Variants in ECE1 observed in about 807,000 individuals in gnomAD.
ECE1 encodes the protein endothelin-converting enzyme 1.
A neutral mutation model predicts 98.6 loss-of-function variants in ECE1; 35 were observed. That is an observed-to-expected ratio of 0.35 (90% CI 0.27 to 0.47). The LOEUF (loss-of-function observed/expected upper bound fraction) is 0.47. ECE1 is among the 20% of genes least tolerant of loss of function. The pLI, the probability that ECE1 is intolerant of heterozygous loss-of-function variation, is 1.00. For synonymous variants in ECE1, 394 were observed against 407.1 expected, an observed-to-expected ratio of 0.97 and a Z score of 0.39; for missense variants, 814 against 1,025.3, an observed-to-expected ratio of 0.79 and a Z score of 2.81.
At chr1:21,299,869 G>A (rs1223181525) in intron 1 of ECE1, 1 of 152,232 alleles carries the variant, frequency 6.6e-6, no homozygotes, top group African/African-American at 2.4e-5. Context: ...TGCTGGATCT[G>A]AACAGTGGTT....
At chr1:21,230,286 T>C (rs1316331828) in intron 14 of ECE1, among the ~76,000 whole-genome samples, 1 of 152,160 alleles carries the variant, frequency 6.6e-6, no homozygotes, top group African/African-American at 2.4e-5. Flanking sequence ...CGAGTTTTGG[T>C]GTAGTATCAG....
chr1:21,304,345 A>G (rs1258504775), intron 1 of ECE1, among the ~76,000 whole-genome samples: 1 of 140,850 alleles, frequency 7.1e-6, no homozygotes, highest in Admixed American at 7.0e-5. Flanking sequence ...AAAAAAAAAG[A>G]TACGCCAATG....
At chr1:21,308,837 T>C (rs1441607381) in intron 1 of ECE1, among the ~76,000 whole-genome samples, 1 of 152,216 alleles carries the variant, frequency 6.6e-6, no homozygotes, top group Non-Finnish European at 1.5e-5. Flanking sequence ...CCTTCCTGCC[T>C]GCCCAGGGTT....
chr1:21,304,927 ACTGAAGATGCCT>A (rs959308938), intron 1 of ECE1, among the ~76,000 whole-genome samples: 53 of 152,190 alleles, frequency 3.5e-4, no homozygotes, highest in African/African-American at 1.3e-3. Flanking sequence ...AGAAGACACA[ACTGAAGATGCCT>A]CTGCAAAATC....
intron 4 of ECE1, among the ~76,000 whole-genome samples, chr1:21,272,336 G>C (rs1569594502): frequency 6.6e-6 from 1 of 152,174 alleles, no homozygotes; most frequent in Non-Finnish European, 1.5e-5. Context: ...CTGTTGCCCA[G>C]GCTGGAGTGC....
intron 10 of ECE1, among the ~76,000 whole-genome samples, chr1:21,240,046 C>G (rs923701456): frequency 2.6e-5 from 4 of 152,162 alleles, no homozygotes; most frequent in African/African-American, 4.8e-5. Context: ...TGGCACATGC[C>G]TGTAATCCCA....
intron 8 of ECE1, among the ~76,000 whole-genome samples, chr1:21,248,194 G>C (rs1238039869): frequency 1.3e-5 from 2 of 150,132 alleles, no homozygotes; most frequent in Non-Finnish European, 3.0e-5. Context: ...TTTTTGAGAC[G>C]GAGTCTCACT....
rs755534068 is a variant in ECE1, at chr1:21,221,765, G to C, written c.2118C>G (p.Phe706Leu). ...PTLGLTNNQL[F>L]FLGFAQVWCS... The stretch of plus-strand genomic sequence containing the variant: ...GACTCACCTGTGCAAAGCCCAGGAA[G>C]AAGAGCTGGTTATTGGTGAGGCCCA... The change falls in exon 18 of 19, where the codon TTC becomes TTG. Residue 706 changes from phenylalanine (F) to leucine (L), a missense_variant. Phe to Leu is a conservative substitution (Grantham distance 22). Around this residue, in one of 3 missense-constraint regions of ECE1, gnomAD observed 452 missense variants for 567.3 expected, o/e 0.80. Coordinates refer to ENST00000374893, the MANE Select transcript of ECE1 (RefSeq NM_001397.3). The C allele has an allele frequency of 6.2e-7, 1 of 1,614,252 alleles. No individual in the cohort carries two copies. Among genetic ancestry groups the C allele is most frequent in the Non-Finnish European group, 8.5e-7 (1 of 1,180,042 alleles).
At chr1:21,261,922 G>A (rs1014479866) in intron 4 of ECE1, among the ~76,000 whole-genome samples, 4 of 152,250 alleles carry the variant, frequency 2.6e-5, no homozygotes, top group African/African-American at 7.2e-5. Flanking sequence ...TGAAAGGGCA[G>A]GCGGACTGCT....
At chr1:21,264,630 G>A (rs893883814) in intron 4 of ECE1, among the ~76,000 whole-genome samples, 2 of 152,148 alleles carry the variant, frequency 1.3e-5, no homozygotes, top group African/African-American at 4.8e-5. Flanking sequence ...TCCTGAAATT[G>A]GCCAGAAGGC....
intron 1 of ECE1, among the ~76,000 whole-genome samples, chr1:21,341,158 C>A (rs1049600101): frequency 6.6e-5 from 10 of 152,198 alleles, no homozygotes; most frequent in African/African-American, 2.2e-4. Context: ...CACAGCCCCC[C>A]GCGTGTCTCC....
chr1:21,328,528 G>A (rs1315891590), intron 1 of ECE1, among the ~76,000 whole-genome samples: 3 of 152,162 alleles, frequency 2.0e-5, no homozygotes, highest in Non-Finnish European at 4.4e-5. Flanking sequence ...TTGGGAGGCC[G>A]AGGTGGGTGG....
intron 8 of ECE1, among the ~76,000 whole-genome samples, chr1:21,251,817 G>A (rs2098213226): frequency 6.6e-6 from 1 of 152,178 alleles, no homozygotes; most frequent in Admixed American, 6.5e-5. Flanking sequence ...TCCCAGAGCT[G>A]ATAGATCTGT....
intron 1 of ECE1, among the ~76,000 whole-genome samples, chr1:21,308,151 A>C (rs1383059316): frequency 6.6e-6 from 1 of 151,956 alleles, no homozygotes; most frequent in Non-Finnish European, 1.5e-5. Context: ...CACCTGGTAA[A>C]CCTCACTCTC....
At chr1:21,317,785 G>A (rs1010228186) in intron 1 of ECE1, among the ~76,000 whole-genome samples, 3 of 152,178 alleles carry the variant, frequency 2.0e-5, no homozygotes, top group Non-Finnish European at 4.4e-5. Flanking sequence ...CTCTGGAGAC[G>A]CACGAGTGGG....
chr1:21,316,913 G>A (rs1037097353), intron 1 of ECE1, among the ~76,000 whole-genome samples: 4 of 152,112 alleles, frequency 2.6e-5, no homozygotes, highest in African/African-American at 4.8e-5. Flanking sequence ...ATCAGGCTGC[G>A]CTTGGTGGCT....
intron 1 of ECE1, among the ~76,000 whole-genome samples, chr1:21,333,649 A>G (rs974971740): frequency 3.9e-5 from 6 of 152,176 alleles, no homozygotes; most frequent in East Asian, 1.9e-4. Context: ...CCTGGCCAAC[A>G]TGGTGAAACC....
chr1:21,331,319 G>A (rs1032575202), intron 1 of ECE1, among the ~76,000 whole-genome samples: 4 of 152,068 alleles, frequency 2.6e-5, no homozygotes, highest in East Asian at 3.9e-4. Flanking sequence ...CAGAGGAATC[G>A]CTTGAACCCA....
In ECE1 at chr1:21,345,267, G is replaced by C. The variant is rs1338417807; in HGVS notation, c.3+109C>G. 18 of 1,202,058 alleles carry C rather than the reference G, an allele frequency of 1.5e-5. No individual in the cohort carries two copies. Among genetic ancestry groups the C allele is most frequent in the Non-Finnish European group, 1.8e-5 (17 of 970,348 alleles). The allele number at this position is 1,202,058 out of a possible 1,614,324, so 74.5% of individuals were successfully genotyped here. On this transcript the variant is annotated intron_variant, in intron 1 of 18. Transcript: ENST00000415912. The surrounding 1 kb of genome is among the most constrained non-coding windows in gnomAD (Gnocchi z 5.1). Reference sequence around the variant, plus strand: ...GGCGGGGGCTGCTGCTGCAGCCGGCGCCCAGCCCCCCGCGAGCCAGGGCGG... The same window carrying C: ...GGCGGGGGCTGCTGCTGCAGCCGGCCCCCAGCCCCCCGCGAGCCAGGGCGG...
Sources: allele counts gnomAD v4.1 joint callset (sites outside exome capture counted in the v4.1 genomes callset), GRCh38; gene constraint gnomAD v4.1.1; regional missense constraint gnomAD v4.1.1; non-coding constraint Gnocchi (gnomAD v3.1); transcripts MANE v1.5; gene names NCBI Gene and HGNC (gene_info 2026-07-23, HGNC 2026-07-21).